Variants in ATXN7L1 observed in about 807,000 individuals in gnomAD.
ATXN7L1 encodes ataxin-7-like protein 1.
In ATXN7L1, 15 loss-of-function variants were observed where a neutral mutation model predicts 70.8. The observed-to-expected ratio is 0.21, with a 90% CI of 0.14 to 0.33. ATXN7L1 has a LOEUF of 0.33. Ranked by LOEUF, ATXN7L1 falls within the 10% of genes least tolerant of loss-of-function variation. The pLI, the probability that ATXN7L1 is intolerant of heterozygous loss-of-function variation, is 1.00. For synonymous variants in ATXN7L1, 440 were observed against 445.1 expected (o/e 0.99, Z 0.14); for missense variants, 975 against 1,097.1 (o/e 0.89, Z 1.57).
intron 7 of ATXN7L1, among the ~76,000 whole-genome samples, chr7:105,630,225 G>A (rs1222820674): frequency 6.6e-6 from 1 of 152,146 alleles, no homozygotes; most frequent in Non-Finnish European, 1.5e-5. Context: ...AGAACTTCCT[G>A]TTAAACAGGG....
At chr7:105,708,214 A>G (rs1481114788) in intron 3 of ATXN7L1, among the ~76,000 whole-genome samples, 2 of 152,224 alleles carry the variant, frequency 1.3e-5, no homozygotes, top group African/African-American at 4.8e-5. Context: ...CCGTGTCTGC[A>G]TCAAAGAATC....
At chr7:105,727,744 GTGTATATATATATATATA>G (rs1795997528) in intron 3 of ATXN7L1, among the ~76,000 whole-genome samples, 1 of 31,732 alleles carries the variant, frequency 3.2e-5, no homozygotes, top group Admixed American at 4.0e-4. Flanking sequence ...GTGTGTATGT[GTGTATATATATATATATA>G]TATATATATA....
At chr7:105,821,392 C>CA (rs1193304555) in intron 2 of ATXN7L1, among the ~76,000 whole-genome samples, 2 of 152,090 alleles carry the variant, frequency 1.3e-5, no homozygotes, top group Non-Finnish European at 2.9e-5. Flanking sequence ...TATAGTCATG[C>CA]AAAAAAACTG....
chr7:105,696,542 T>C (rs650717), intron 3 of ATXN7L1, among the ~76,000 whole-genome samples: 51,758 of 152,100 alleles, frequency 0.34, 9,120 homozygotes, highest in East Asian at 0.53. Context: ...TAAGGAAAGA[T>C]AGGGTAGGCT....
chr7:105,858,318 C>CT (rs1253306638), intron 2 of ATXN7L1, among the ~76,000 whole-genome samples: 3 of 152,210 alleles, frequency 2.0e-5, no homozygotes, highest in Non-Finnish European at 4.4e-5. Flanking sequence ...AAAAACTTAA[C>CT]TCTGCCCTTT....
At chr7:105,805,218 G>T (rs1438680991) in intron 2 of ATXN7L1, among the ~76,000 whole-genome samples, 1 of 152,238 alleles carries the variant, frequency 6.6e-6, no homozygotes, top group African/African-American at 2.4e-5. Flanking sequence ...CTAGAGGAGG[G>T]AGCCATGAGC....
At chr7:105,770,687 G>A (rs1356540315) in intron 3 of ATXN7L1, among the ~76,000 whole-genome samples, 1 of 152,178 alleles carries the variant, frequency 6.6e-6, no homozygotes, top group Admixed American at 6.5e-5. Context: ...GGGATGGAGA[G>A]ACCCTGCCAG....
chr7:105,665,230 A>T lies in ATXN7L1; in HGVS notation c.414T>A (p.Asn138Lys). 7 of 1,551,558 alleles carry T rather than the reference A, an allele frequency of 4.5e-6. No homozygotes were observed. Among genetic ancestry groups the T allele is most frequent in the Non-Finnish European group, 6.1e-6 (7 of 1,146,976 alleles). The change falls in exon 4 of 12, where the codon AAT (asparagine) becomes AAA (lysine). Residue 138 changes from asparagine (N) to lysine (K), a missense_variant. Transcript: ENST00000419735. ...PSPSPVSPASNPRTSLVQVKT... is the reference protein window; with the variant it reads ...PSPSPVSPASKPRTSLVQVKT... ...TCACCTGTACTAGTGATGTCCTGGG[A>T]TTGGAGGCTGGAGACACTGGAGAGG... is the stretch of plus-strand genomic sequence containing the variant.
chr7:105,687,386 G>T (rs888638414), intron 3 of ATXN7L1, among the ~76,000 whole-genome samples: 1 of 152,222 alleles, frequency 6.6e-6, no homozygotes. Flanking sequence ...AGTCTTTGAA[G>T]AGGTGACTAA....
intron 2 of ATXN7L1, among the ~76,000 whole-genome samples, chr7:105,810,674 G>T (rs1380514143): frequency 6.6e-6 from 1 of 152,214 alleles, no homozygotes; most frequent in South Asian, 2.1e-4. Flanking sequence ...GAGCAAAGAA[G>T]CCAGCCTGTG....
chr7:105,771,483 G>A (rs1212007073), intron 3 of ATXN7L1, among the ~76,000 whole-genome samples: 2 of 151,996 alleles, frequency 1.3e-5, no homozygotes, highest in African/African-American at 4.8e-5. Flanking sequence ...GAACACTTTC[G>A]GGAACTTGAG....
At chr7:105,804,170 T>C (rs1166920660) in intron 2 of ATXN7L1, among the ~76,000 whole-genome samples, 2 of 152,156 alleles carry the variant, frequency 1.3e-5, no homozygotes, top group Non-Finnish European at 2.9e-5. Flanking sequence ...CCCTGTCAGG[T>C]CCCTCAGGGT....
intron 3 of ATXN7L1, among the ~76,000 whole-genome samples, chr7:105,678,431 C>T (rs1161681409): frequency 6.6e-6 from 1 of 152,168 alleles, no homozygotes; most frequent in Non-Finnish European, 1.5e-5. Flanking sequence ...CGTCAGTCCA[C>T]CTGTGGGCCA....
chr7:105,710,565 G>A (rs1198824666), intron 3 of ATXN7L1, among the ~76,000 whole-genome samples: 6 of 151,864 alleles, frequency 4.0e-5, no homozygotes, highest in East Asian at 1.9e-4. Context: ...CTGCCACCAC[G>A]TCTGGCTAAT....
At chr7:105,763,148 G>T (rs567335055) in intron 3 of ATXN7L1, among the ~76,000 whole-genome samples, 3 of 152,350 alleles carry the variant, frequency 2.0e-5, no homozygotes, top group African/African-American at 7.2e-5. Context: ...GGAGTCATTT[G>T]TTATGCGGCA....
At position 105,607,056 on chromosome 7, in the gene ATXN7L1, G is replaced by GC. The variant is rs1792792009; in HGVS notation, c.*795_*796insG. 6.6e-6 allele frequency: 1 copy of GC among 152,380 alleles called. No individual in the cohort carries two copies. Among genetic ancestry groups the GC allele is most frequent in the Non-Finnish European group, 1.5e-5 (1 of 68,308 alleles). The allele number at this position is 152,380 out of a possible 1,614,324, so 9.4% of individuals were successfully genotyped here. A position where few individuals can be genotyped will look rare whatever the true frequency, so the allele number is the denominator to read the frequency against. ...CCAGCTCAGACCACCACAGTCTCCA[G>GC]TTTTTTTAGGGATCATCTCCTACCC... On this transcript the variant is annotated 3_prime_UTR_variant, in exon 12 of 12. Coordinates refer to ENST00000419735, the MANE Select transcript of ATXN7L1 (RefSeq NM_020725.2).
At position 105,682,884 on chromosome 7, in the gene ATXN7L1, G is replaced by C. The variant is rs550644672; in HGVS notation, c.356-17596C>G. Among the ~76,000 whole-genome samples the C allele has an allele frequency of 1.5e-3, 235 of 152,276 alleles. 7 individuals carry two copies. In the South Asian group the frequency reaches 0.042, roughly 27 times the overall value. On this transcript the variant is annotated intron_variant, in intron 3 of 11. Transcript: ENST00000419735. The stretch of plus-strand genomic sequence containing the variant: ...ATAGAAGTGGTGGTTGCACAACATT[G>C]CCAATGTACTAAATGTCACTGAATT...
At chr7:105,826,764 T>C (rs1810928802) in intron 2 of ATXN7L1, among the ~76,000 whole-genome samples, 1 of 151,748 alleles carries the variant, frequency 6.6e-6, no homozygotes, top group Admixed American at 6.6e-5. Context: ...GGCTGGACAG[T>C]GGAGAAATAG....
At chr7:105,628,552 G>A (rs913956820) in intron 7 of ATXN7L1, among the ~76,000 whole-genome samples, 1 of 151,922 alleles carries the variant, frequency 6.6e-6, no homozygotes, top group African/African-American at 2.4e-5. Flanking sequence ...CACTTTGGGA[G>A]GCCGAGGCAG....
Sources: gnomAD v4.1 joint callset for allele counts (sites outside exome capture counted in the v4.1 genomes callset) on GRCh38, gnomAD v4.1.1 for gene constraint, MANE v1.5 for transcripts, NCBI Gene and HGNC (gene_info 2026-07-23, HGNC 2026-07-21) for gene names.